Variants in KDM4C observed in about 807,000 individuals in gnomAD.
The protein encoded by KDM4C is lysine demethylase 4C, also known as lysine-specific demethylase 4C.
KDM4C carries 81 observed loss-of-function variants against 129.3 expected under a neutral mutation model. The ratio of observed to expected loss-of-function variants is 0.63; its 90% confidence interval spans 0.52 to 0.75. The LOEUF (loss-of-function observed/expected upper bound fraction) is 0.75. Ranked by LOEUF, KDM4C falls within the 30% of genes least tolerant of loss-of-function variation. KDM4C has a pLI of 0.00. For synonymous variants in KDM4C, 573 were observed against 456.1 expected (o/e 1.26, Z -3.26); for missense variants, 1,457 against 1,304.0 (o/e 1.12, Z -1.81).
chr9:7,000,665 T>A lies in KDM4C; in HGVS notation c.1786+10141T>A, dbSNP rs145053827. On this transcript the variant is annotated intron_variant, in intron 12 of 21. Coordinates refer to ENST00000381309, the MANE Select transcript of KDM4C (RefSeq NM_015061.6). Reference sequence around the variant, plus strand: ...ATATGAAATTGTCAATATTTGAAATTTTTTTTACTCTATGAAAACTGCAAT... The same window carrying A: ...ATATGAAATTGTCAATATTTGAAATATTTTTTACTCTATGAAAACTGCAAT... Among the ~76,000 whole-genome samples the A allele has an allele frequency of 4.7e-3, 723 of 152,284 alleles. 4 individuals carry two copies. Among genetic ancestry groups the A allele is most frequent in the Non-Finnish European group, 8.3e-3 (565 of 68,008 alleles).
chr9:6,846,084 G>A (rs1212113764), intron 4 of KDM4C, among the ~76,000 whole-genome samples: 1 of 152,154 alleles, frequency 6.6e-6, no homozygotes, highest in African/African-American at 2.4e-5. Flanking sequence ...ACTGCCTCTG[G>A]TGGGAAGAAT....
At position 7,174,911 on chromosome 9, in the gene KDM4C, C is replaced by T. The variant is rs114970111; in HGVS notation, c.*182C>T. On this transcript the variant is annotated 3_prime_UTR_variant, in exon 22 of 22. Coordinates refer to ENST00000381309, the MANE Select transcript of KDM4C (RefSeq NM_015061.6). The stretch of plus-strand genomic sequence containing the variant: ...TACAAAATACACCCAATGAATTGGA[C>T]GCAGCAATCTGAAATCATCTCTAGT... The T allele has an allele frequency of 2.0e-3, 1,035 of 514,982 alleles. 9 individuals are homozygous for T. Among genetic ancestry groups the T allele is most frequent in the African/African-American group, 0.016 (877 of 53,380 alleles). 31.9% of individuals were successfully genotyped at this position (514,982 alleles called of 1,614,324 possible).
At position 6,984,213 on chromosome 9, in the gene KDM4C, A is replaced by G. The variant is rs1188008227; in HGVS notation, c.1163A>G (p.Glu388Gly). Residue 388 changes from glutamate (E) to glycine (G), a missense_variant, in exon 10 of 22, where the codon GAA becomes GGA. Coordinates refer to ENST00000381309, the MANE Select transcript of KDM4C (RefSeq NM_015061.6). ...TCTAAAAGGCCTAAGGCTGATGAGG[A>G]AGAGGAAGTGTCAGATGAAGTCGAT... ...STSKRPKADEEEEVSDEVDGA... is the reference protein window; with the variant it reads ...STSKRPKADEGEEVSDEVDGA... The G allele has an allele frequency of 3.7e-6, 6 of 1,613,832 alleles. No homozygotes were observed. The highest frequency in any genetic ancestry group is 5.1e-6 in the Non-Finnish European group (6 of 1,179,796).
intron 18 of KDM4C, among the ~76,000 whole-genome samples, chr9:7,109,076 A>G (rs1838024258): frequency 6.6e-6 from 1 of 152,188 alleles, no homozygotes; most frequent in South Asian, 2.1e-4. Context: ...TGGATTTGGT[A>G]AATAGGGTAG....
chr9:6,858,903 G>T (rs4311700), intron 5 of KDM4C, among the ~76,000 whole-genome samples: 149,401 of 152,078 alleles, frequency 0.98, 73,442 homozygotes, highest in South Asian at 1. Context: ...GATTGGAGTT[G>T]GTAGAAAATG....
chr9:6,880,204 T>A (rs1353127573), intron 6 of KDM4C, 143 bp downstream of exon 6: 20 of 453,270 alleles, frequency 4.4e-5, no homozygotes, highest in African/African-American at 3.6e-4. Context: ...TTTACATGTT[T>A]TTTTAATTGA....
rs71487861 is a variant in KDM4C, at chr9:6,857,922, G to GTTT, written c.629+8244_629+8246dup. Among the ~76,000 whole-genome samples, 163 of 103,082 alleles carry GTTT rather than the reference G, an allele frequency of 1.6e-3. 4 individuals are homozygous for GTTT. The highest frequency in any genetic ancestry group is 6.1e-3 in the South Asian group (16 of 2,632). 67.6% of individuals were successfully genotyped at this position (103,082 alleles called of 152,430 possible). A position where few individuals can be genotyped will look rare whatever the true frequency, so the allele number is the denominator to read the frequency against. Reference sequence around the variant, plus strand: ...GGTGCATGTTAACACATCTGGCTAAGTTTTTTTTTTTTTTTTTTTTTTTTA... The same window carrying GTTT: ...GGTGCATGTTAACACATCTGGCTAAGTTTTTTTTTTTTTTTTTTTTTTTTTTTA... On this transcript the variant is annotated intron_variant, in intron 5 of 21. Transcript: ENST00000381309.
chr9:6,776,366 T>C (rs2918178), intron 1 of KDM4C, among the ~76,000 whole-genome samples: 94,703 of 151,842 alleles, frequency 0.62, 29,891 homozygotes, highest in African/African-American at 0.69. Context: ...CGGGTTCAAG[T>C]GATTCCTGCC....
At chr9:6,901,583 C>G (rs77837529) in intron 8 of KDM4C, among the ~76,000 whole-genome samples, 406 of 152,298 alleles carry the variant, frequency 2.7e-3, no homozygotes, top group Admixed American at 5.5e-3. Flanking sequence ...CGAGGAAAAT[C>G]TTTCCTTGAA....
At chr9:6,808,530 T>C (rs1244440873) in intron 3 of KDM4C, among the ~76,000 whole-genome samples, 1 of 147,024 alleles carries the variant, frequency 6.8e-6, no homozygotes, top group Non-Finnish European at 1.5e-5. Flanking sequence ...ATCCCTAATC[T>C]CAAGTAATCA....
intron 19 of KDM4C, among the ~76,000 whole-genome samples, chr9:7,150,029 C>G (rs1353528532): frequency 6.6e-6 from 1 of 152,144 alleles, no homozygotes; most frequent in Non-Finnish European, 1.5e-5. Flanking sequence ...TTCCAGAATA[C>G]TGTAGAAAGG....
intron 17 of KDM4C, among the ~76,000 whole-genome samples, 189 bp downstream of exon 17, chr9:7,049,389 A>C (rs1440343864): frequency 6.6e-6 from 1 of 151,990 alleles, no homozygotes; most frequent in Non-Finnish European, 1.5e-5. Context: ...GTAAGTTTGC[A>C]TATAACCTTC....
At chr9:6,934,511 A>ATTAAAT (rs376751715) in intron 8 of KDM4C, among the ~76,000 whole-genome samples, 37,717 of 149,988 alleles carry the variant, frequency 0.25, 5,221 homozygotes, top group South Asian at 0.39. Context: ...TTTATCTAAA[A>ATTAAAT]TTAAATACCA....
chr9:6,861,415 A>G (rs1563712453), intron 5 of KDM4C, among the ~76,000 whole-genome samples: 3 of 152,204 alleles, frequency 2.0e-5, no homozygotes, highest in Non-Finnish European at 4.4e-5. Flanking sequence ...GATAAATATT[A>G]CAAAGTCAGC....
chr9:7,058,433 A>T (rs1008886379), intron 17 of KDM4C, among the ~76,000 whole-genome samples: 1 of 152,250 alleles, frequency 6.6e-6, no homozygotes, highest in African/African-American at 2.4e-5. Flanking sequence ...TGGTTGAAAT[A>T]TTCTCACCGT....
chr9:7,153,130 G>C (rs1842865580), intron 19 of KDM4C, among the ~76,000 whole-genome samples: 1 of 152,218 alleles, frequency 6.6e-6, no homozygotes, highest in Admixed American at 6.5e-5. Context: ...TAGAGATGGG[G>C]TCTTGCTATG....
In KDM4C at chr9:7,017,462, A is replaced by G. The variant is rs368829318; in HGVS notation, c.2259+1533A>G. On this transcript the variant is annotated intron_variant, in intron 15 of 21. Transcript: ENST00000381309. ...AATTTACCTTACTACTTTCCTGCAGATTTTTTTGGGGGCAGAAGAAAATAA... is the reference window on the plus strand; with the variant it reads ...AATTTACCTTACTACTTTCCTGCAGGTTTTTTTGGGGGCAGAAGAAAATAA... 5.3e-5 allele frequency among the ~76,000 whole-genome samples: 8 copies of G among 152,172 alleles called. No homozygotes were observed. The East Asian group carries it at 7.7e-4, about 15-fold the overall frequency.
intron 6 of KDM4C, among the ~76,000 whole-genome samples, chr9:6,884,474 T>C (rs1844954977): frequency 1.3e-5 from 2 of 152,202 alleles, no homozygotes; most frequent in African/African-American, 4.8e-5. Flanking sequence ...TTTCCTTAGC[T>C]TTTGTTTATA....
At chr9:6,836,304 G>C (rs961667716) in intron 4 of KDM4C, among the ~76,000 whole-genome samples, 3 of 152,112 alleles carry the variant, frequency 2.0e-5, no homozygotes, top group African/African-American at 7.2e-5. Context: ...AATGGGAGGC[G>C]GAGGTTGCGG....
Sources: gnomAD v4.1 joint callset for allele counts (sites outside exome capture counted in the v4.1 genomes callset) on GRCh38, gnomAD v4.1.1 for gene constraint, MANE v1.5 for transcripts, NCBI Gene and HGNC (gene_info 2026-07-23, HGNC 2026-07-21) for gene names.